The following N4BP2L2 variants were observed in gnomAD, a reference collection of about 807,000 sequenced individuals.
N4BP2L2 encodes NEDD4-binding protein 2-like 2.
N4BP2L2 carries 50 observed loss-of-function variants against 56.2 expected under a neutral mutation model. That is an observed-to-expected ratio of 0.89 (90% CI 0.71 to 1.13). The LOEUF (loss-of-function observed/expected upper bound fraction) is 1.13. Ranked by LOEUF, N4BP2L2 falls within the 50% of genes most tolerant of loss-of-function variation. N4BP2L2 has a pLI of 0.00. For synonymous variants in N4BP2L2, 203 were observed against 223.6 expected, an observed-to-expected ratio of 0.91 and a Z score of 0.82; for missense variants, 689 against 693.8, an observed-to-expected ratio of 0.99 and a Z score of 0.08.
At chr13:32,442,924 C>A in exon 7 of N4BP2L2, 2 of 1,612,680 alleles carry the variant, frequency 1.2e-6, no homozygotes, top group Non-Finnish European at 1.7e-6. Context: ...TTCACTGTTC[C>A]TTTCTGAAAT....
intron 6 of N4BP2L2, among the ~76,000 whole-genome samples, chr13:32,464,989 CAG>C (rs2080957096): frequency 1.3e-5 from 2 of 151,598 alleles, no homozygotes; most frequent in South Asian, 4.2e-4. Flanking sequence ...TTTCTTTAGA[CAG>C]AGTTTTGTTT....
chr13:32,472,505 C>T (rs151307208), intron 6 of N4BP2L2, among the ~76,000 whole-genome samples: 115 of 152,234 alleles, frequency 7.6e-4, no homozygotes, highest in African/African-American at 2.6e-3. Flanking sequence ...AACAGCTGAC[C>T]AAGGAAGGCA....
intron 6 of N4BP2L2, among the ~76,000 whole-genome samples, chr13:32,488,324 G>A (rs1166290119): frequency 6.6e-6 from 1 of 152,128 alleles, no homozygotes; most frequent in East Asian, 1.9e-4. Flanking sequence ...ACCAAATACT[G>A]CATGTTCTCA....
intron 3 of N4BP2L2, chr13:32,525,379 A>T (rs2052423784): frequency 6.6e-6 from 1 of 152,222 alleles, no homozygotes; most frequent in Non-Finnish European, 1.5e-5. Flanking sequence ...GATCAAACTT[A>T]TCTGATGTTT....
chr13:32,463,420 T>C (rs2138748720), intron 6 of N4BP2L2, among the ~76,000 whole-genome samples: 1 of 152,010 alleles, frequency 6.6e-6, no homozygotes, highest in African/African-American at 2.4e-5. Context: ...TCCCAGCACT[T>C]TGGGAGGCTA....
At chr13:32,460,208 G>C (rs1255997174) in intron 6 of N4BP2L2, among the ~76,000 whole-genome samples, 2 of 152,068 alleles carry the variant, frequency 1.3e-5, no homozygotes, top group Non-Finnish European at 2.9e-5. Flanking sequence ...ATACTGAATG[G>C]GGAAAAGCTG....
chr13:32,482,056 C>T (rs946894765), intron 6 of N4BP2L2, among the ~76,000 whole-genome samples: 16 of 152,084 alleles, frequency 1.1e-4, no homozygotes, highest in African/African-American at 3.1e-4. Flanking sequence ...AGCTGGCCTA[C>T]GAATAAATGA....
At chr13:32,488,225 G>C (rs974715562) in intron 6 of N4BP2L2, among the ~76,000 whole-genome samples, 1 of 152,178 alleles carries the variant, frequency 6.6e-6, no homozygotes, top group South Asian at 2.1e-4. Context: ...ATACTAGGCA[G>C]CCATAAAAAG....
At chr13:32,433,681 C>G (rs2075095919) in intron 9 of N4BP2L2, among the ~76,000 whole-genome samples, 1 of 149,986 alleles carries the variant, frequency 6.7e-6, no homozygotes. Flanking sequence ...AATCCCAGCG[C>G]TTTGGGAGGC....
At chr13:32,443,075 T>G in exon 7 of N4BP2L2, 3 of 1,606,896 alleles carry the variant, frequency 1.9e-6, no homozygotes, top group Non-Finnish European at 2.5e-6. Flanking sequence ...CTTTTCTTCC[T>G]CCTTTTCTTA....
chr13:32,533,387 A>G (rs933990385), intron 2 of N4BP2L2, among the ~76,000 whole-genome samples: 1 of 152,146 alleles, frequency 6.6e-6, no homozygotes, highest in Admixed American at 6.6e-5. Context: ...AATGTTAGAG[A>G]CATGCTGATT....
At chr13:32,532,584 T>A (rs1223445879) in intron 2 of N4BP2L2, among the ~76,000 whole-genome samples, 3 of 145,910 alleles carry the variant, frequency 2.1e-5, no homozygotes, top group African/African-American at 8.1e-5. Context: ...TTCTCTTTTC[T>A]TTTTTCTTTT....
At chr13:32,507,821 A>G (rs1209354874), downstream of N4BP2L2, 1 of 152,130 alleles carries the variant, frequency 6.6e-6, no homozygotes, top group African/African-American at 2.4e-5. Flanking sequence ...GAATTTATAG[A>G]CTACTCTAGC....
At chr13:32,468,456 G>T (rs988636180) in intron 6 of N4BP2L2, among the ~76,000 whole-genome samples, 2 of 152,168 alleles carry the variant, frequency 1.3e-5, no homozygotes, top group African/African-American at 4.8e-5. Flanking sequence ...CCTTTGTTCT[G>T]TCAATATTTT....
chr13:32,441,734 AATAT>A (rs1299381247), intron 7 of N4BP2L2, among the ~76,000 whole-genome samples: 124 of 131,720 alleles, frequency 9.4e-4, no homozygotes, highest in African/African-American at 3.4e-3. Flanking sequence ...TAAATAAATA[AATAT>A]AAAAAAAGAA....
intron 4 of N4BP2L2, 163 bp from the exon 5 acceptor site, chr13:32,521,612 A>C: frequency 1.9e-6 from 1 of 516,658 alleles, no homozygotes; most frequent in Non-Finnish European, 3.4e-6. Context: ...AGACTATTTA[A>C]CCGGATAAAT....
intron 1 of N4BP2L2, among the ~76,000 whole-genome samples, chr13:32,537,385 C>T (rs188104275): frequency 6.6e-6 from 1 of 151,974 alleles, no homozygotes; most frequent in South Asian, 2.1e-4. Flanking sequence ...TATAGATACA[C>T]AATTGTGTAT....
At chr13:32,473,219 T>C (rs1202357463) in intron 6 of N4BP2L2, among the ~76,000 whole-genome samples, 3 of 151,594 alleles carry the variant, frequency 2.0e-5, no homozygotes, top group African/African-American at 7.3e-5. Flanking sequence ...GAGGCAGAGA[T>C]TGCAGTGAGC....
At chr13:32,499,199 T>C (rs1248633453) in intron 6 of N4BP2L2, among the ~76,000 whole-genome samples, 2 of 152,248 alleles carry the variant, frequency 1.3e-5, no homozygotes, top group East Asian at 3.9e-4. Context: ...CCTGGCCCTC[T>C]ACTTTTCACT....
Sources: gnomAD v4.1 joint callset for allele counts (sites outside exome capture counted in the v4.1 genomes callset) on GRCh38, gnomAD v4.1.1 for gene constraint, MANE v1.5 for transcripts, NCBI Gene and HGNC (gene_info 2026-07-23, HGNC 2026-07-21) for gene names.